Variants in KLHL3 observed in about 807,000 individuals in gnomAD.
KLHL3 encodes the protein kelch-like protein 3.
Under a neutral mutation model 70.5 loss-of-function variants are expected in KLHL3, and 19 were observed. The ratio of observed to expected loss-of-function variants is 0.27; its 90% CI spans 0.19 to 0.40. The LOEUF is 0.40. Among genes scored for constraint, KLHL3 ranks in the 10% least tolerant of loss-of-function variants. KLHL3 has a pLI of 1.00. For synonymous variants in KLHL3, 258 were observed against 290.3 expected (o/e 0.89, Z 1.13); for missense variants, 512 against 771.1 (o/e 0.66, Z 3.98).
chr5:137,628,736 T>G (rs112556535), intron 12 of KLHL3: 120 of 120,142 alleles, frequency 1.0e-3, no homozygotes, highest in African/African-American at 5.5e-3. Context: ...CAGACAGACA[T>G]ACATACATAC....
chr5:137,648,631 G>A (rs187757720), intron 8 of KLHL3, among the ~76,000 whole-genome samples: 39 of 152,318 alleles, frequency 2.6e-4, no homozygotes, highest in African/African-American at 8.2e-4. Flanking sequence ...TAGCTGTTCC[G>A]GCTGGGATGT....
chr5:137,699,631 T>G (rs1752524949), intron 3 of KLHL3, among the ~76,000 whole-genome samples: 2 of 152,198 alleles, frequency 1.3e-5, no homozygotes, highest in East Asian at 3.8e-4. Context: ...GCCTTCAGCC[T>G]GCACTCTATA....
At chr5:137,651,320 C>A (rs1751195058) in intron 8 of KLHL3, among the ~76,000 whole-genome samples, 2 of 152,228 alleles carry the variant, frequency 1.3e-5, no homozygotes, top group Non-Finnish European at 2.9e-5. Context: ...CAGTAATCTT[C>A]TGAAACTACT....
chr5:137,709,985 C>A (rs993413446), intron 2 of KLHL3, 129 bp from the exon 3 acceptor site: 2 of 721,688 alleles, frequency 2.8e-6, no homozygotes, highest in Non-Finnish European at 4.9e-6. Context: ...GGGACTTGCT[C>A]TATCTTGAGT....
intron 6 of KLHL3, chr5:137,672,708 TA>T (rs1751790817): frequency 6.6e-6 from 1 of 152,190 alleles, no homozygotes; most frequent in African/African-American, 2.4e-5. Context: ...AGTAACTTGC[TA>T]GGTCCCACAG....
chr5:137,715,404 T>G (rs1448190333), intron 2 of KLHL3, among the ~76,000 whole-genome samples: 1 of 152,178 alleles, frequency 6.6e-6, no homozygotes, highest in Non-Finnish European at 1.5e-5. Flanking sequence ...AGCCCAGGCC[T>G]CCATAAGTAT....
chr5:137,714,642 T>C (rs973878866), intron 2 of KLHL3, among the ~76,000 whole-genome samples: 11 of 151,968 alleles, frequency 7.2e-5, no homozygotes, highest in African/African-American at 2.4e-4. Flanking sequence ...AAGGATGGGG[T>C]AAACTATGGA....
chr5:137,661,137 C>G (rs913161692), intron 7 of KLHL3: 1 of 152,188 alleles, frequency 6.6e-6, no homozygotes, highest in Non-Finnish European at 1.5e-5. Context: ...CAGAAAAGAG[C>G]GTATCAATGG....
At chr5:137,721,511 G>A (rs150481527) in intron 1 of KLHL3, among the ~76,000 whole-genome samples, 179 of 152,324 alleles carry the variant, frequency 1.2e-3, no homozygotes, top group African/African-American at 3.8e-3. Flanking sequence ...GAACAACAGC[G>A]AAAGCTTTTG....
At chr5:137,688,913 A>G (rs1250309882) in intron 5 of KLHL3, among the ~76,000 whole-genome samples, 2 of 152,342 alleles carry the variant, frequency 1.3e-5, no homozygotes, top group African/African-American at 2.4e-5. Flanking sequence ...CTCAATCACT[A>G]TAACAGCAAC....
intron 1 of KLHL3, among the ~76,000 whole-genome samples, chr5:137,734,779 G>T (rs1030023278): frequency 1.3e-5 from 2 of 152,096 alleles, no homozygotes; most frequent in Admixed American, 1.3e-4. Context: ...GAATGAAGAG[G>T]TTGGCACTCA....
chr5:137,623,618 T>G (rs991038939), intron 14 of KLHL3, among the ~76,000 whole-genome samples: 1 of 152,226 alleles, frequency 6.6e-6, no homozygotes, highest in Non-Finnish European at 1.5e-5. Flanking sequence ...GAAAAAATCT[T>G]TAATCCCTTC....
intron 3 of KLHL3, among the ~76,000 whole-genome samples, chr5:137,705,338 G>A (rs1014463511): frequency 2.0e-5 from 3 of 152,216 alleles, no homozygotes; most frequent in African/African-American, 4.8e-5. Flanking sequence ...TCATGCCTGG[G>A]AAGTGAATAA....
intron 3 of KLHL3, among the ~76,000 whole-genome samples, chr5:137,704,968 A>C (rs1404212595): frequency 6.6e-6 from 1 of 152,144 alleles, no homozygotes; most frequent in African/African-American, 2.4e-5. Flanking sequence ...AGGTGAAGCC[A>C]TTGCTCCTTC....
intron 11 of KLHL3, 96 bp from the exon 12 acceptor site, chr5:137,634,261 T>A: frequency 7.3e-7 from 1 of 1,371,386 alleles, no homozygotes; most frequent in Non-Finnish European, 9.8e-7. Context: ...GGGGCACCCT[T>A]ACCTCAGAAT....
chr5:137,732,529 A>G (rs1040660932), intron 1 of KLHL3, among the ~76,000 whole-genome samples: 4 of 151,758 alleles, frequency 2.6e-5, no homozygotes, highest in African/African-American at 9.7e-5. Flanking sequence ...GCCAAGCCCT[A>G]TGGGGTAACT....
chr5:137,662,712 A>AT (rs1385281146), intron 6 of KLHL3, among the ~76,000 whole-genome samples: 3 of 152,238 alleles, frequency 2.0e-5, no homozygotes, highest in Non-Finnish European at 4.4e-5. Context: ...CACCACATAC[A>AT]CATAGGCAGA....
chr5:137,710,963 T>C (rs1752781319), intron 2 of KLHL3, among the ~76,000 whole-genome samples: 2 of 152,296 alleles, frequency 1.3e-5, no homozygotes, highest in Middle Eastern at 6.8e-3. Flanking sequence ...ATGCTCTTCA[T>C]TGGTATCCTG....
chr5:137,631,443 G>A (rs934121174), intron 12 of KLHL3, among the ~76,000 whole-genome samples: 1 of 152,198 alleles, frequency 6.6e-6, no homozygotes, highest in East Asian at 1.9e-4. Flanking sequence ...GGAAAAGTGG[G>A]AGTGGGGGAC....
Sources: gnomAD v4.1 joint callset for allele counts (sites outside exome capture counted in the v4.1 genomes callset) on GRCh38, gnomAD v4.1.1 for gene constraint, MANE v1.5 for transcripts, NCBI Gene and HGNC (gene_info 2026-07-23, HGNC 2026-07-21) for gene names.